SDK1: variants seen among roughly 807,000 people sequenced by gnomAD.
The protein encoded by SDK1 is sidekick cell adhesion molecule 1.
Under a neutral mutation model 245.5 loss-of-function variants are expected in SDK1, and 157 were observed. The ratio of observed to expected loss-of-function variants is 0.64; its 90% CI spans 0.56 to 0.73. The LOEUF is 0.73. Ranked by LOEUF, SDK1 falls within the 30% of genes least tolerant of loss-of-function variation. SDK1 has a pLI of 0.00. For synonymous variants in SDK1, 1,647 were observed against 1,278.5 expected (o/e 1.29, Z -6.15); for missense variants, 3,583 against 3,002.3 (o/e 1.19, Z -4.52).
chr7:3,333,806 G>A (rs1303511740), intron 1 of SDK1, among the ~76,000 whole-genome samples: 1 of 152,170 alleles, frequency 6.6e-6, no homozygotes, highest in Non-Finnish European at 1.5e-5. Context: ...TAAATTTCTT[G>A]GTGAATTGTT....
At chr7:3,637,520 G>C (rs970120004) in intron 2 of SDK1, among the ~76,000 whole-genome samples, 1 of 152,188 alleles carries the variant, frequency 6.6e-6, no homozygotes, top group Non-Finnish European at 1.5e-5. Flanking sequence ...GAAGTTGTGG[G>C]CTCCGGAGTT....
At chr7:3,400,551 A>T (rs1298410529) in intron 1 of SDK1, among the ~76,000 whole-genome samples, 4 of 152,188 alleles carry the variant, frequency 2.6e-5, no homozygotes. Context: ...ATAAAAATAT[A>T]CACAGTATTT....
At chr7:4,232,522 A>G (rs1036464653) in intron 40 of SDK1, among the ~76,000 whole-genome samples, 11 of 151,430 alleles carry the variant, frequency 7.3e-5, no homozygotes, top group Admixed American at 2.0e-4. Context: ...CAATGGCACA[A>G]TCTCAGCTCA....
chr7:4,157,470 G>A, intron 30 of SDK1, among the ~76,000 whole-genome samples: 1 of 80,922 alleles, frequency 1.2e-5, no homozygotes, highest in Admixed American at 1.4e-4. Flanking sequence ...GGGAGAGAAG[G>A]AAGGAGGGAA....
At chr7:4,180,506 C>T (rs1782543292) in intron 35 of SDK1, among the ~76,000 whole-genome samples, 1 of 151,360 alleles carries the variant, frequency 6.6e-6, no homozygotes, top group African/African-American at 2.4e-5. Flanking sequence ...CAGTGCCTGG[C>T]TCCAGCTCTA....
chr7:3,350,699 C>T (rs1583724054), intron 1 of SDK1, among the ~76,000 whole-genome samples: 1 of 152,164 alleles, frequency 6.6e-6, no homozygotes, highest in Non-Finnish European at 1.5e-5. Context: ...CTGGTGATGT[C>T]TCATCTTTTC....
intron 1 of SDK1, among the ~76,000 whole-genome samples, chr7:3,427,244 G>A (rs774218310): frequency 2.6e-5 from 4 of 152,300 alleles, no homozygotes; most frequent in African/African-American, 9.6e-5. Flanking sequence ...TAAAACATTA[G>A]ATGAAAGGCT....
chr7:3,502,788 A>T (rs1782260348), intron 1 of SDK1, among the ~76,000 whole-genome samples: 1 of 152,168 alleles, frequency 6.6e-6, no homozygotes, highest in Non-Finnish European at 1.5e-5. Flanking sequence ...CACATTTCTT[A>T]CACGTGAGAG....
intron 12 of SDK1, among the ~76,000 whole-genome samples, chr7:3,972,677 G>T (rs1344829386): frequency 3.3e-5 from 5 of 152,188 alleles, no homozygotes; most frequent in Non-Finnish European, 7.4e-5. Flanking sequence ...GCTTTCTGGG[G>T]CCTCTCACCC....
At chr7:3,661,500 G>T (rs77629463) in intron 4 of SDK1, among the ~76,000 whole-genome samples, 1 of 152,128 alleles carries the variant, frequency 6.6e-6, no homozygotes, top group East Asian at 1.9e-4. Flanking sequence ...ATTTAAATAA[G>T]TTGTAAATGC....
At chr7:3,566,946 A>C (rs982233816) in intron 1 of SDK1, among the ~76,000 whole-genome samples, 7 of 152,162 alleles carry the variant, frequency 4.6e-5, no homozygotes, top group Non-Finnish European at 1.0e-4. Flanking sequence ...GAACATAGGA[A>C]TTGTCATGCA....
chr7:3,522,887 C>G (rs1460593086), intron 1 of SDK1, among the ~76,000 whole-genome samples: 1 of 53,506 alleles, frequency 1.9e-5, no homozygotes, highest in Non-Finnish European at 3.7e-5. Flanking sequence ...CTGCGGAGAT[C>G]TGATTAGTTT....
chr7:3,597,033 G>A (rs1781089538), intron 1 of SDK1, among the ~76,000 whole-genome samples: 1 of 152,106 alleles, frequency 6.6e-6, no homozygotes, highest in South Asian at 2.1e-4. Context: ...CACTTTGGGA[G>A]GCCGAGGCAG....
chr7:3,493,577 C>A (rs1453928403), intron 1 of SDK1, among the ~76,000 whole-genome samples: 1 of 152,184 alleles, frequency 6.6e-6, no homozygotes, highest in South Asian at 2.1e-4. Flanking sequence ...ATGTGACTTT[C>A]TTGCACTATT....
chr7:3,610,968 T>G (rs1404990058), intron 1 of SDK1, among the ~76,000 whole-genome samples: 1 of 152,212 alleles, frequency 6.6e-6, no homozygotes, highest in African/African-American at 2.4e-5. Flanking sequence ...GACTTTGTGG[T>G]GAGATCAAGG....
Position 3,842,806 on chromosome 7 carries a change from A to C in SDK1, c.847+21223A>C, listed in dbSNP as rs145849563. Reference sequence around the variant, plus strand: ...TTCCTGATAATGCTGAACCCAGGCTAGGGCAGAGCTATCTGAATCTGTAGA... The same window carrying C: ...TTCCTGATAATGCTGAACCCAGGCTCGGGCAGAGCTATCTGAATCTGTAGA... On this transcript the variant is annotated intron_variant, in intron 5 of 44. Transcript: ENST00000404826. Among the ~76,000 whole-genome samples, 42 of 152,234 alleles carry C rather than the reference A, an allele frequency of 2.8e-4. No individual in the cohort carries two copies. In the East Asian group the frequency reaches 8.1e-3, roughly 29 times the overall value.
intron 5 of SDK1, among the ~76,000 whole-genome samples, chr7:3,873,925 C>G (rs890801127): frequency 6.6e-6 from 1 of 152,152 alleles, no homozygotes; most frequent in Non-Finnish European, 1.5e-5. Context: ...GTCCAAGATA[C>G]ATGTCATGTC....
chr7:3,549,812 A>ATG (rs1231905825), intron 1 of SDK1, among the ~76,000 whole-genome samples: 21 of 152,060 alleles, frequency 1.4e-4, no homozygotes, highest in Admixed American at 1.4e-3. Context: ...AGACCAGCTA[A>ATG]TGTGTTAACA....
chr7:3,666,892 G>A (rs940475678), intron 4 of SDK1, among the ~76,000 whole-genome samples: 1 of 152,112 alleles, frequency 6.6e-6, no homozygotes, highest in African/African-American at 2.4e-5. Flanking sequence ...TCTGCTATCC[G>A]TCACAAGAGG....
Sources: gnomAD v4.1 joint callset for allele counts (sites outside exome capture counted in the v4.1 genomes callset) on GRCh38, gnomAD v4.1.1 for gene constraint, MANE v1.5 for transcripts, NCBI Gene and HGNC (gene_info 2026-07-23, HGNC 2026-07-21) for gene names.